Variants in EFNB2 observed in about 807,000 individuals in gnomAD.
EFNB2 encodes the protein ephrin-B2.
A neutral mutation model predicts 32.1 loss-of-function variants in EFNB2; 5 were observed. The observed-to-expected ratio is 0.16, with a 90% CI of 0.08 to 0.33. The LOEUF is 0.33. Among genes scored for constraint, EFNB2 ranks in the 10% least tolerant of loss-of-function variants. The probability of loss-of-function intolerance (pLI) is 1.00; values close to 1 mark genes in which losing one functional copy is unlikely to be tolerated. For missense variants in EFNB2, 263 were observed against 422.6 expected (o/e 0.62, Z 3.31); for synonymous variants, 168 against 166.5 (o/e 1.01, Z -0.07).
At chr13:106,508,377 T>C (rs1474149418) in intron 2 of EFNB2, among the ~76,000 whole-genome samples, 2 of 152,182 alleles carry the variant, frequency 1.3e-5, no homozygotes, top group Middle Eastern at 3.4e-3. Flanking sequence ...ATAAAATAAC[T>C]AGAGGTTAGG....
intron 2 of EFNB2, among the ~76,000 whole-genome samples, chr13:106,499,634 A>AT (rs1412534039): frequency 1.3e-5 from 2 of 152,226 alleles, no homozygotes; most frequent in Non-Finnish European, 2.9e-5. Context: ...ATGAAATCAC[A>AT]TTTAATCATT....
At chr13:106,507,002 C>T (rs1000355164) in intron 2 of EFNB2, among the ~76,000 whole-genome samples, 3 of 152,060 alleles carry the variant, frequency 2.0e-5, no homozygotes, top group Non-Finnish European at 2.9e-5. Context: ...CCCCCAAGAT[C>T]CCAAATGCAC....
chr13:106,507,699 C>T (rs948085188), intron 2 of EFNB2, among the ~76,000 whole-genome samples: 3 of 152,162 alleles, frequency 2.0e-5, no homozygotes, highest in South Asian at 2.1e-4. Flanking sequence ...CTTCTCCAGA[C>T]TTGTTCAGTG....
chr13:106,527,626 T>G (rs8000078), intron 1 of EFNB2, among the ~76,000 whole-genome samples: 90,843 of 152,102 alleles, frequency 0.6, 27,562 homozygotes, highest in East Asian at 0.83. Flanking sequence ...GAAAATATGT[T>G]AATAATCTAG....
intron 1 of EFNB2, among the ~76,000 whole-genome samples, chr13:106,529,009 A>G (rs1294347618): frequency 3.3e-5 from 5 of 152,196 alleles, no homozygotes; most frequent in Non-Finnish European, 4.4e-5. Context: ...ATTACTACTC[A>G]TTTGAATTAA....
At chr13:106,500,853 A>G (rs1163120590) in intron 2 of EFNB2, among the ~76,000 whole-genome samples, 3 of 152,198 alleles carry the variant, frequency 2.0e-5, no homozygotes, top group East Asian at 1.9e-4. Flanking sequence ...AAGAATTAAA[A>G]AAAGCATAAT....
intron 2 of EFNB2, among the ~76,000 whole-genome samples, chr13:106,498,623 C>T (rs1460583915): frequency 1.3e-5 from 2 of 152,106 alleles, no homozygotes; most frequent in Non-Finnish European, 2.9e-5. Context: ...AATGAAACTG[C>T]TTTGCACCTT....
intron 1 of EFNB2, among the ~76,000 whole-genome samples, chr13:106,522,179 G>T (rs1167481735): frequency 6.6e-6 from 1 of 152,066 alleles, no homozygotes; most frequent in Non-Finnish European, 1.5e-5. Flanking sequence ...AGTGAGAAGG[G>T]GGGTGATCTC....
chr13:106,513,509 T>C (rs941073660), intron 1 of EFNB2, among the ~76,000 whole-genome samples: 5 of 152,196 alleles, frequency 3.3e-5, no homozygotes, highest in African/African-American at 1.2e-4. Flanking sequence ...TAAATCTTTT[T>C]TTTTCTTCCC....
chr13:106,506,625 G>T (rs1414452824), intron 2 of EFNB2: 1 of 152,168 alleles, frequency 6.6e-6, no homozygotes, highest in Non-Finnish European at 1.5e-5. Context: ...TTTATGGATG[G>T]ACTTCAAATC....
At chr13:106,500,029 C>A (rs575554742) in intron 2 of EFNB2, among the ~76,000 whole-genome samples, 1 of 152,272 alleles carries the variant, frequency 6.6e-6, no homozygotes, top group East Asian at 1.9e-4. Context: ...TACTTATCTG[C>A]AGTTCTTAGT....
intron 1 of EFNB2, 68 bp downstream of exon 1, chr13:106,534,775 C>T (rs1024466291): frequency 6.6e-7 from 1 of 1,525,118 alleles, no homozygotes; most frequent in East Asian, 2.5e-5. Context: ...GGACTGACCC[C>T]TCCTCCCGCC....
At chr13:106,495,471 A>ATATCTATC (rs367670305) in intron 3 of EFNB2, among the ~76,000 whole-genome samples, 257 of 149,452 alleles carry the variant, frequency 1.7e-3, no homozygotes, top group African/African-American at 5.6e-3. Flanking sequence ...TTAAAAAGAA[A>ATATCTATC]TATCTATCTA....
intron 1 of EFNB2, among the ~76,000 whole-genome samples, chr13:106,513,219 C>T (rs9587150): frequency 2.3e-3 from 357 of 152,282 alleles, no homozygotes; most frequent in African/African-American, 8.2e-3. Context: ...AGAGAAAGCT[C>T]GTCAATTGGA....
In EFNB2 at chr13:106,518,944, T is replaced by C. The variant is rs1879407914; in HGVS notation, c.123-6132A>G. The stretch of plus-strand genomic sequence containing the variant: ...TTGATGCTGCTGTAGTCTCTGAAAA[T>C]ACATGCGAAATGTGTGACAATATAC... On this transcript the variant is annotated intron_variant, in intron 1 of 4. Transcript: ENST00000646441. The surrounding 1 kb of genome is among the most constrained non-coding windows in gnomAD (Gnocchi z 4.1). The C allele has an allele frequency of 6.6e-6, 1 of 152,048 alleles. No individual in the cohort carries two copies. 9.4% of individuals were successfully genotyped at this position (152,048 alleles called of 1,614,324 possible).
chr13:106,504,335 C>T (rs114113340), intron 2 of EFNB2, among the ~76,000 whole-genome samples: 2,267 of 152,246 alleles, frequency 0.015, 23 homozygotes, highest in African/African-American at 0.029. Context: ...ACTTCACCAG[C>T]GACCGAATTA....
intron 1 of EFNB2, among the ~76,000 whole-genome samples, chr13:106,515,834 C>T (rs1170471275): frequency 6.6e-6 from 1 of 152,158 alleles, no homozygotes; most frequent in Non-Finnish European, 1.5e-5. Context: ...TCTCACACTT[C>T]CTAAAGCACC....
At chr13:106,527,057 A>T (rs1439643938) in intron 1 of EFNB2, among the ~76,000 whole-genome samples, 1 of 152,162 alleles carries the variant, frequency 6.6e-6, no homozygotes, top group Admixed American at 6.5e-5. Flanking sequence ...AAAGACAAAC[A>T]TGTTGACTCT....
At position 106,491,553 on chromosome 13, in the gene EFNB2, C is replaced by T. The variant is rs1878404952; in HGVS notation, c.*1487G>A. ...ATAAATACGTCCTATCTTCCTTCTCCCCCTGGACATCATAATTTACTTCCG... is the reference window on the plus strand; with the variant it reads ...ATAAATACGTCCTATCTTCCTTCTCTCCCTGGACATCATAATTTACTTCCG... On this transcript the variant is annotated 3_prime_UTR_variant, in exon 5 of 5. Transcript: ENST00000646441. 6.6e-6 allele frequency: 1 copy of T among 152,460 alleles called. No homozygotes were observed. Among genetic ancestry groups the T allele is most frequent in the African/African-American group, 2.4e-5 (1 of 41,380 alleles). 9.4% of individuals were successfully genotyped at this position (152,460 alleles called of 1,614,324 possible). A position where few individuals can be genotyped will look rare whatever the true frequency, so the allele number is the denominator to read the frequency against.
Sources: gnomAD v4.1 joint callset for allele counts (sites outside exome capture counted in the v4.1 genomes callset) on GRCh38, gnomAD v4.1.1 for gene constraint, Gnocchi (gnomAD v3.1) non-coding constraint, MANE v1.5 for transcripts, NCBI Gene and HGNC (gene_info 2026-07-23, HGNC 2026-07-21) for gene names.